The following NUP153 variants were observed in gnomAD, a reference collection of about 807,000 sequenced individuals.
NUP153 encodes nuclear pore complex protein Nup153.
In NUP153, 27 loss-of-function variants were observed where a neutral mutation model predicts 134.6. The observed-to-expected ratio is 0.20, with a 90% CI of 0.15 to 0.28. The LOEUF (loss-of-function observed/expected upper bound fraction) is 0.28, where lower values mean the gene tolerates loss of function less well. Ranked by LOEUF, NUP153 falls within the 10% of genes least tolerant of loss-of-function variation. The pLI, the probability that NUP153 is intolerant of heterozygous loss-of-function variation, is 1.00. For synonymous variants in NUP153, 640 were observed against 623.5 expected (o/e 1.03, Z -0.40); for missense variants, 1,821 against 1,731.3 (o/e 1.05, Z -0.92).
intron 11 of NUP153, among the ~76,000 whole-genome samples, chr6:17,656,066 A>G (rs1395766951): frequency 6.6e-6 from 1 of 151,928 alleles, no homozygotes; most frequent in East Asian, 2.0e-4. Context: ...TTAGCTGGGC[A>G]TGGTGGCGTA....
chr6:17,694,444 A>G (rs1159786085), intron 1 of NUP153, among the ~76,000 whole-genome samples: 1 of 152,134 alleles, frequency 6.6e-6, no homozygotes, highest in Non-Finnish European at 1.5e-5. Context: ...GGATTACCTG[A>G]GGTCAAGAGT....
At chr6:17,697,070 CA>C (rs11363029) in intron 1 of NUP153, among the ~76,000 whole-genome samples, 6,206 of 126,904 alleles carry the variant, frequency 0.049, 182 homozygotes, top group African/African-American at 0.099. Flanking sequence ...GACTCCGTCT[CA>C]AAAAAAAAAA....
chr6:17,628,736 TACTAAA>T lies in NUP153; in HGVS notation c.3457_3462del (p.Phe1153_Ser1154del), dbSNP rs1765075732. 1 of 1,614,156 alleles carries T rather than the reference TACTAAA, an allele frequency of 6.2e-7. No homozygotes were observed. The highest frequency in any genetic ancestry group is 8.5e-7 in the Non-Finnish European group (1 of 1,180,014). On this transcript the variant is annotated inframe_deletion, in exon 18 of 22. Transcript: ENST00000262077. This position sits in a 1 kb window ranked among gnomAD's most constrained non-coding sequence, Gnocchi z 5.4. ...GATTCCTTCTCAGATGGTTTTGTCA[TACTAAA>T]ACTAAATGTGGACTTTGAAGAATTC...
rs1325247094 is a variant in NUP153, at chr6:17,706,537, C to G, written c.-150G>C. 1.7e-6 allele frequency: 1 copy of G among 605,090 alleles called. No homozygotes were observed. Among genetic ancestry groups the G allele is most frequent in the Non-Finnish European group, 2.9e-6 (1 of 347,892 alleles). The allele number at this position is 605,090 out of a possible 1,614,324, so 37.5% of individuals were successfully genotyped here. A position where few individuals can be genotyped will look rare whatever the true frequency, so the allele number is the denominator to read the frequency against. On this transcript the variant is annotated 5_prime_UTR_variant, in exon 1 of 22. Transcript: ENST00000262077. This position sits in a 1 kb window ranked among gnomAD's most constrained non-coding sequence, Gnocchi z 5.9. ...CAGTGGGCACAAGCACCCCAGGAAC[C>G]GCGAGGTTGCGAGCAGGAGCGGAGA...
chr6:17,676,121 A>C (rs190637075), intron 2 of NUP153, among the ~76,000 whole-genome samples: 53 of 152,336 alleles, frequency 3.5e-4, no homozygotes, highest in African/African-American at 1.1e-3. Context: ...TCATTCTGAG[A>C]CCATAAAAAA....
At chr6:17,642,698 A>G (rs1477263222) in intron 14 of NUP153, among the ~76,000 whole-genome samples, 1 of 152,220 alleles carries the variant, frequency 6.6e-6, no homozygotes. Flanking sequence ...CATATGAAAA[A>G]GCATTGAAAC....
Position 17,633,029 on chromosome 6 carries a change from T to C in NUP153, c.2465-185A>G, listed in dbSNP as rs553881725. Among the ~76,000 whole-genome samples, 6 of 152,244 alleles carry C rather than the reference T, an allele frequency of 3.9e-5. No homozygotes were observed. The East Asian group carries it at 5.8e-4, about 15-fold the overall frequency. On this transcript the variant is annotated intron_variant, in intron 16 of 21. Coordinates refer to ENST00000262077, the MANE Select transcript of NUP153 (RefSeq NM_005124.4). Reference sequence around the variant, plus strand: ...TATTTACATTGTTTAAAAAAAAGAATAGACCTCTCTTTTAACCTTATAAAT... The same window carrying C: ...TATTTACATTGTTTAAAAAAAAGAACAGACCTCTCTTTTAACCTTATAAAT...
At position 17,628,942 on chromosome 6, in the gene NUP153, T is replaced by C. The variant is rs753029023; in HGVS notation, c.3257A>G (p.Asn1086Ser). The C allele has an allele frequency of 9.9e-6, 16 of 1,614,060 alleles. No individual in the cohort carries two copies. In the African/African-American group the frequency reaches 1.6e-4, roughly 16 times the overall value. ...AGATGGCAGAGAGGCAGGCTCCACGTTGCCAAAAGAGAATCCTCCTTTGGT... is the reference window on the plus strand; with the variant it reads ...AGATGGCAGAGAGGCAGGCTCCACGCTGCCAAAAGAGAATCCTCCTTTGGT... Reference protein sequence around the residue: ...PATKGGFSFGNVEPASLPSAS... With the variant: ...PATKGGFSFGSVEPASLPSAS... Residue 1086 changes from asparagine (N) to serine (S), a missense_variant, in exon 18 of 22, where the codon AAC becomes AGC. Physicochemically the swap from Asn to Ser is conservative, Grantham distance 46. Transcript: ENST00000262077. This position sits in a 1 kb window ranked among gnomAD's most constrained non-coding sequence, Gnocchi z 5.4.
At chr6:17,634,599 G>A (rs1484047285) in intron 16 of NUP153, among the ~76,000 whole-genome samples, 1 of 152,128 alleles carries the variant, frequency 6.6e-6, no homozygotes, top group African/African-American at 2.4e-5. Flanking sequence ...ACCACGCCCA[G>A]CTAATTTTTG....
intron 20 of NUP153, among the ~76,000 whole-genome samples, chr6:17,623,829 C>A (rs1830818): frequency 0.88 from 133,622 of 152,164 alleles, 58,808 homozygotes; most frequent in South Asian, 0.95. Context: ...AGGGATGCAT[C>A]TATTAGCCAA....
chr6:17,700,468 A>G (rs1769982894), intron 1 of NUP153, among the ~76,000 whole-genome samples: 1 of 152,212 alleles, frequency 6.6e-6, no homozygotes, highest in Non-Finnish European at 1.5e-5. Flanking sequence ...AATCCTATCA[A>G]TGTTTCCATT....
At chr6:17,655,597 G>A (rs2113807643) in intron 11 of NUP153, among the ~76,000 whole-genome samples, 1 of 151,828 alleles carries the variant, frequency 6.6e-6, no homozygotes, top group East Asian at 2.0e-4. Context: ...GGGATTACAT[G>A]TGCCCGCCAT....
At chr6:17,618,562 CTTTTTTT>C (rs34236407) in intron 20 of NUP153, among the ~76,000 whole-genome samples, 1 of 133,468 alleles carries the variant, frequency 7.5e-6, no homozygotes, top group African/African-American at 2.7e-5. Flanking sequence ...TAAAATCTCT[CTTTTTTT>C]TTTTTTTTTT....
intron 18 of NUP153, among the ~76,000 whole-genome samples, chr6:17,627,086 G>A (rs916029349): frequency 1.1e-4 from 16 of 152,086 alleles, no homozygotes; most frequent in African/African-American, 3.9e-4. Context: ...TAATCTCTCA[G>A]TTCCAATACC....
At chr6:17,626,998 G>A (rs1387227842) in intron 18 of NUP153, among the ~76,000 whole-genome samples, 1 of 152,180 alleles carries the variant, frequency 6.6e-6, no homozygotes, top group African/African-American at 2.4e-5. Context: ...ATGCTGATTT[G>A]AAGAAAAACT....
chr6:17,670,622 T>C (rs973479360), intron 5 of NUP153, among the ~76,000 whole-genome samples: 1 of 152,200 alleles, frequency 6.6e-6, no homozygotes, highest in Non-Finnish European at 1.5e-5. Flanking sequence ...CTCATACCAT[T>C]AAGTATGTTG....
At chr6:17,651,293 C>T (rs972946976) in intron 11 of NUP153, among the ~76,000 whole-genome samples, 4 of 151,596 alleles carry the variant, frequency 2.6e-5, no homozygotes, top group African/African-American at 9.7e-5. Flanking sequence ...ACAGCAAGAA[C>T]CCATCTCAAA....
At chr6:17,670,859 G>A (rs1197585687) in intron 5 of NUP153, among the ~76,000 whole-genome samples, 2 of 151,816 alleles carry the variant, frequency 1.3e-5, no homozygotes, top group Non-Finnish European at 2.9e-5. Context: ...TGCCCAGGCT[G>A]GAGTGCGGTG....
intron 1 of NUP153, among the ~76,000 whole-genome samples, chr6:17,695,437 A>T (rs1449353030): frequency 6.6e-6 from 1 of 152,212 alleles, no homozygotes; most frequent in Admixed American, 6.6e-5. Flanking sequence ...CATAACCATG[A>T]TTATAAGCTT....
Sources: allele counts gnomAD v4.1 joint callset (sites outside exome capture counted in the v4.1 genomes callset), GRCh38; gene constraint gnomAD v4.1.1; non-coding constraint Gnocchi (gnomAD v3.1); transcripts MANE v1.5; gene names NCBI Gene and HGNC (gene_info 2026-07-23, HGNC 2026-07-21).